The following PTPRD variants were observed in gnomAD, a reference collection of about 807,000 sequenced individuals.
PTPRD encodes protein tyrosine phosphatase receptor type D.
Under a neutral mutation model 214.5 loss-of-function variants are expected in PTPRD, and 34 were observed. The ratio of observed to expected loss-of-function variants is 0.16; its 90% CI spans 0.12 to 0.21. The LOEUF is 0.21. PTPRD is among the 10% of genes least tolerant of loss of function. The pLI is 1.00. For missense variants in PTPRD, 2,545 were observed against 2,398.7 expected, an observed-to-expected ratio of 1.06 and a Z score of -1.27; for synonymous variants, 1,128 against 845.7, an observed-to-expected ratio of 1.33 and a Z score of -5.79.
intron 11 of PTPRD, among the ~76,000 whole-genome samples, chr9:8,903,226 C>T (rs1190093405): frequency 2.0e-5 from 3 of 151,760 alleles, no homozygotes; most frequent in Non-Finnish European, 2.9e-5. Flanking sequence ...TGCATGACGC[C>T]GAGGCTTGGG....
chr9:10,035,396 G>C (rs554139430), intron 3 of PTPRD, among the ~76,000 whole-genome samples: 9 of 152,082 alleles, frequency 5.9e-5, no homozygotes, highest in African/African-American at 1.9e-4. Context: ...TCGTCTATCT[G>C]TTGATAATTT....
intron 44 of PTPRD, among the ~76,000 whole-genome samples, chr9:8,326,022 C>T (rs1220828323): frequency 6.6e-6 from 1 of 152,168 alleles, no homozygotes; most frequent in Admixed American, 6.5e-5. Context: ...CAAACAGAGA[C>T]AATTTGACTT....
chr9:9,586,686 A>T (rs2092027425), intron 7 of PTPRD, among the ~76,000 whole-genome samples: 1 of 152,028 alleles, frequency 6.6e-6, no homozygotes, highest in African/African-American at 2.4e-5. Context: ...TAGGTTGGAC[A>T]TTGATAAATG....
At chr9:8,750,416 C>T (rs1172477817) in intron 11 of PTPRD, among the ~76,000 whole-genome samples, 6 of 152,024 alleles carry the variant, frequency 3.9e-5, no homozygotes, top group South Asian at 2.1e-4. Flanking sequence ...CCTTGGCCAC[C>T]GAAAGTGCTG....
At chr9:10,067,691 G>A (rs1327728044) in intron 3 of PTPRD, among the ~76,000 whole-genome samples, 1 of 151,832 alleles carries the variant, frequency 6.6e-6, no homozygotes, top group African/African-American at 2.4e-5. Context: ...CATTATAATG[G>A]TAAAGCTAGA....
At chr9:9,652,617 C>CT (rs112986308) in intron 7 of PTPRD, among the ~76,000 whole-genome samples, 1,519 of 143,844 alleles carry the variant, frequency 0.011, 11 homozygotes, top group African/African-American at 0.025. Flanking sequence ...TAATATACCA[C>CT]TTTTTTTTTT....
intron 5 of PTPRD, among the ~76,000 whole-genome samples, chr9:9,928,021 T>A (rs767935114): frequency 1.3e-5 from 2 of 152,180 alleles, no homozygotes; most frequent in Non-Finnish European, 1.5e-5. Context: ...CTTAAATGAC[T>A]AATGAACTCT....
intron 14 of PTPRD, among the ~76,000 whole-genome samples, chr9:8,544,861 T>G (rs541681280): frequency 6.7e-6 from 1 of 150,254 alleles, no homozygotes; most frequent in Non-Finnish European, 1.5e-5. Flanking sequence ...CCTTTGACAA[T>G]AACAGCTGGG....
At chr9:10,300,299 CA>C (rs2095821831) in intron 3 of PTPRD, among the ~76,000 whole-genome samples, 2 of 152,136 alleles carry the variant, frequency 1.3e-5, no homozygotes, top group Non-Finnish European at 2.9e-5. Context: ...CCTATGCCAC[CA>C]GGGCCCTGGG....
At chr9:9,547,981 G>A (rs2079206060) in intron 8 of PTPRD, among the ~76,000 whole-genome samples, 3 of 151,766 alleles carry the variant, frequency 2.0e-5, no homozygotes, top group African/African-American at 7.3e-5. Flanking sequence ...GCAAGACAAA[G>A]GACAATGAAA....
At chr9:9,646,814 GAAC>G (rs1274401656) in intron 7 of PTPRD, among the ~76,000 whole-genome samples, 5 of 152,084 alleles carry the variant, frequency 3.3e-5, no homozygotes, top group African/African-American at 1.2e-4. Context: ...AGGAAAAGAT[GAAC>G]AACAATAACT....
At chr9:8,829,328 G>C (rs1328520975) in intron 11 of PTPRD, among the ~76,000 whole-genome samples, 1 of 152,042 alleles carries the variant, frequency 6.6e-6, no homozygotes, top group Non-Finnish European at 1.5e-5. Context: ...TCACTGTCAT[G>C]ATTTTTGTCA....
At chr9:10,171,366 A>G (rs2099204444) in intron 3 of PTPRD, among the ~76,000 whole-genome samples, 1 of 151,870 alleles carries the variant, frequency 6.6e-6, no homozygotes, top group African/African-American at 2.4e-5. Flanking sequence ...ATGGTTTTAT[A>G]AGGAGAAACC....
chr9:9,989,933 T>C (rs1312311633), intron 4 of PTPRD, among the ~76,000 whole-genome samples: 1 of 152,162 alleles, frequency 6.6e-6, no homozygotes, highest in Non-Finnish European at 1.5e-5. Context: ...CACTGTGGGC[T>C]GAGAAAGCAA....
intron 2 of PTPRD, among the ~76,000 whole-genome samples, chr9:10,371,950 C>T (rs771526250): frequency 5.9e-5 from 9 of 151,936 alleles, no homozygotes; most frequent in African/African-American, 9.7e-5. Context: ...GGAAATGACC[C>T]AACTACTTCT....
At chr9:8,324,500 T>C (rs1831635414) in intron 44 of PTPRD, among the ~76,000 whole-genome samples, 1 of 152,204 alleles carries the variant, frequency 6.6e-6, no homozygotes, top group Non-Finnish European at 1.5e-5. Context: ...CAATCTATCA[T>C]TGATGGACAT....
intron 3 of PTPRD, among the ~76,000 whole-genome samples, chr9:10,213,383 G>A (rs574493760): frequency 1.8e-4 from 28 of 152,174 alleles, no homozygotes; most frequent in African/African-American, 6.5e-4. Flanking sequence ...AGTGGCATGT[G>A]TCCTTTCCAG....
intron 2 of PTPRD, among the ~76,000 whole-genome samples, chr9:10,430,321 A>G (rs2098665726): frequency 6.6e-6 from 1 of 152,000 alleles, no homozygotes; most frequent in African/African-American, 2.4e-5. Flanking sequence ...AAGAAATTAA[A>G]ACTAATTAAT....
At chr9:9,156,380 TC>T (rs1289427543) in intron 10 of PTPRD, among the ~76,000 whole-genome samples, 2 of 151,376 alleles carry the variant, frequency 1.3e-5, no homozygotes, top group African/African-American at 4.8e-5. Context: ...TGGTACATTA[TC>T]CCCAAAATTT....
Sources: gnomAD v4.1 joint callset for allele counts (sites outside exome capture counted in the v4.1 genomes callset) on GRCh38, gnomAD v4.1.1 for gene constraint, MANE v1.5 for transcripts, NCBI Gene and HGNC (gene_info 2026-07-23, HGNC 2026-07-21) for gene names.